Variants in COG5 observed in about 807,000 individuals in gnomAD.
COG5 encodes component of oligomeric golgi complex 5, also known as conserved oligomeric Golgi complex subunit 5.
Under a neutral mutation model 110.4 loss-of-function variants are expected in COG5, and 86 were observed. The observed-to-expected ratio is 0.78, with a 90% confidence interval of 0.65 to 0.93. The LOEUF (loss-of-function observed/expected upper bound fraction) is 0.93. Ranked by LOEUF, COG5 falls within the 40% of genes least tolerant of loss-of-function variation. The pLI is 0.00. For synonymous variants in COG5, 360 were observed against 334.6 expected, an observed-to-expected ratio of 1.08 and a Z score of -0.83; for missense variants, 1,077 against 987.0, an observed-to-expected ratio of 1.09 and a Z score of -1.22.
intron 5 of COG5, among the ~76,000 whole-genome samples, chr7:107,546,435 G>GTTTTTTTTTTTTTTTTTTTTTTTTTTTT (rs754919944): frequency 8.4e-6 from 1 of 119,484 alleles, no homozygotes; most frequent in Non-Finnish European, 1.7e-5. Flanking sequence ...TTGGTTTTTT[G>GTTTTTTTTTTTTTTTTTTTTTTTTTTTT]TTTTTTTTTT....
chr7:107,377,182 G>T (rs1252939814), intron 7 of COG5, among the ~76,000 whole-genome samples: 1 of 151,988 alleles, frequency 6.6e-6, no homozygotes, highest in East Asian at 1.9e-4. Flanking sequence ...AATTGCCCCA[G>T]TGAAGCTGAT....
chr7:107,359,575 C>T lies in COG5; in HGVS notation c.1026+2458G>A, dbSNP rs190486306. ...CCTGGGGGCTGGACTGCCAGTTCTG[C>T]GGACTGGAGTGACAAGTTATGGTGC... On this transcript the variant is annotated intron_variant, in intron 10 of 21. Coordinates refer to ENST00000297135, the MANE Select transcript of COG5 (RefSeq NM_006348.5). 2.5e-3 allele frequency among the ~76,000 whole-genome samples: 382 copies of T among 152,230 alleles called. 1 individual carries two copies. The highest frequency in any genetic ancestry group is 1.7e-3 in the Non-Finnish European group (115 of 68,028).
chr7:107,460,469 A>G (rs961486569), intron 6 of COG5, among the ~76,000 whole-genome samples: 1 of 152,214 alleles, frequency 6.6e-6, no homozygotes, highest in Non-Finnish European at 1.5e-5. Flanking sequence ...ATTAGAAAGC[A>G]TACTGAACTA....
At chr7:107,559,680 C>CT (rs1171287977) in intron 1 of COG5, among the ~76,000 whole-genome samples, 1 of 152,214 alleles carries the variant, frequency 6.6e-6, no homozygotes, top group Non-Finnish European at 1.5e-5. Flanking sequence ...GAAACTGCTA[C>CT]TTTGGCTGCT....
At chr7:107,548,044 T>TAA (rs1308520763) in intron 5 of COG5, 67 bp downstream of exon 5, 32 of 1,331,420 alleles carry the variant, frequency 2.4e-5, no homozygotes, top group East Asian at 7.3e-5. Context: ...CTCATACTCT[T>TAA]AAATTTTGTC....
At chr7:107,527,473 T>G (rs1467334973) in intron 5 of COG5, 116 bp from the exon 6 acceptor site, 1 of 1,132,068 alleles carries the variant, frequency 8.8e-7, no homozygotes, top group South Asian at 1.3e-5. Flanking sequence ...TGGCACATGT[T>G]TACCTATGTA....
intron 5 of COG5, among the ~76,000 whole-genome samples, chr7:107,536,440 A>G (rs1030349275): frequency 1.3e-5 from 2 of 152,226 alleles, no homozygotes; most frequent in Non-Finnish European, 2.9e-5. Context: ...TACAAAATCA[A>G]TGTGCAAAAA....
At chr7:107,539,401 A>C (rs1801818031) in intron 5 of COG5, among the ~76,000 whole-genome samples, 1 of 152,228 alleles carries the variant, frequency 6.6e-6, no homozygotes, top group Non-Finnish European at 1.5e-5. Flanking sequence ...CATATGCTAC[A>C]ATATGGATGA....
chr7:107,262,764 G>GA (rs1803463114), intron 14 of COG5, among the ~76,000 whole-genome samples: 1 of 151,960 alleles, frequency 6.6e-6, no homozygotes, highest in Non-Finnish European at 1.5e-5. Context: ...ATATTTCCCT[G>GA]AAAAAATAGA....
At chr7:107,209,086 C>T (rs1022984068) in intron 21 of COG5, 1 of 985,226 alleles carries the variant, frequency 1.0e-6, no homozygotes, top group Non-Finnish European at 1.2e-6. Context: ...GGTTTAGAAC[C>T]ACCTCATCAT....
At chr7:107,272,423 A>G (rs2116729125) in intron 14 of COG5, among the ~76,000 whole-genome samples, 1 of 152,306 alleles carries the variant, frequency 6.6e-6, no homozygotes, top group East Asian at 1.9e-4. Context: ...CCTAAAATGT[A>G]TAAAATCAAA....
At chr7:107,230,328 C>T (rs1225633299) in intron 19 of COG5, among the ~76,000 whole-genome samples, 1 of 151,660 alleles carries the variant, frequency 6.6e-6, no homozygotes, top group South Asian at 2.1e-4. Context: ...CTATAAGAAT[C>T]GGAAGCTAAA....
chr7:107,501,957 C>T (rs1247765348), intron 6 of COG5, among the ~76,000 whole-genome samples: 1 of 152,070 alleles, frequency 6.6e-6, no homozygotes. Context: ...ATTTAAGAAA[C>T]AAGTCACTTC....
intron 10 of COG5, among the ~76,000 whole-genome samples, chr7:107,339,709 A>G (rs552404359): frequency 4.2e-4 from 64 of 152,302 alleles, no homozygotes; most frequent in African/African-American, 1.4e-3. Flanking sequence ...ATTGATACCA[A>G]GAAGATCTCC....
intron 6 of COG5, among the ~76,000 whole-genome samples, chr7:107,412,983 T>C (rs1394323252): frequency 6.6e-6 from 1 of 152,046 alleles, no homozygotes; most frequent in African/African-American, 2.4e-5. Context: ...AAGATGCAAG[T>C]ACAGTTTTTT....
chr7:107,514,988 T>TA (rs2129147105), intron 6 of COG5, among the ~76,000 whole-genome samples: 2 of 152,312 alleles, frequency 1.3e-5, no homozygotes, highest in South Asian at 4.1e-4. Context: ...GGACAGATCT[T>TA]ACACTTCTCA....
intron 21 of COG5, chr7:107,207,946 A>G: frequency 2.0e-6 from 2 of 985,450 alleles, no homozygotes; most frequent in Non-Finnish European, 2.4e-6. Context: ...GAGGAACAGA[A>G]TGAGTATACA....
At chr7:107,511,871 A>C (rs1584916338) in intron 6 of COG5, among the ~76,000 whole-genome samples, 2 of 152,222 alleles carry the variant, frequency 1.3e-5, no homozygotes, top group South Asian at 4.1e-4. Flanking sequence ...ACTCTCAATA[A>C]ATTAGGTATT....
intron 6 of COG5, among the ~76,000 whole-genome samples, chr7:107,504,977 C>T (rs567948588): frequency 8.5e-4 from 130 of 152,138 alleles, no homozygotes; most frequent in African/African-American, 3.1e-3. Context: ...GGGGTGGAAA[C>T]TCTGAGTTCC....
Sources: allele counts gnomAD v4.1 joint callset (sites outside exome capture counted in the v4.1 genomes callset), GRCh38; gene constraint gnomAD v4.1.1; transcripts MANE v1.5; gene names NCBI Gene and HGNC (gene_info 2026-07-23, HGNC 2026-07-21).